The following LRRC7 variants were observed in gnomAD, a reference collection of about 807,000 sequenced individuals.
LRRC7 encodes leucine-rich repeat-containing protein 7.
In LRRC7, 23 loss-of-function variants were observed where a neutral mutation model predicts 175.7. That is an observed-to-expected ratio of 0.13 (90% CI 0.09 to 0.19). The LOEUF is 0.19. LRRC7 is among the 10% of genes least tolerant of loss of function. The pLI is 1.00. For synonymous variants in LRRC7, 685 were observed against 680.9 expected (o/e 1.01, Z -0.09); for missense variants, 1,354 against 1,904.7 (o/e 0.71, Z 5.38).
In LRRC7 at chr1:70,132,339, AT is replaced by A. The variant is rs1666698470; in HGVS notation, c.*10457del. On this transcript the variant is annotated 3_prime_UTR_variant, in exon 27 of 27. Transcript: ENST00000651989. The stretch of plus-strand genomic sequence containing the variant: ...TAATTGCTATTCATTTCTAGAAACT[AT>A]TTTTGTCTAACGTCATAGGTAATGC... 6.6e-6 allele frequency: 1 copy of A among 151,966 alleles called. No individual in the cohort carries two copies. The highest frequency in any genetic ancestry group is 6.6e-5 in the Admixed American group (1 of 15,258). 9.4% of individuals were successfully genotyped at this position (151,966 alleles called of 1,614,324 possible). A position where few individuals can be genotyped will look rare whatever the true frequency, so the allele number is the denominator to read the frequency against.
intron 2 of LRRC7, among the ~76,000 whole-genome samples, chr1:69,710,646 TA>T (rs1274331867): frequency 4.7e-4 from 72 of 152,302 alleles, no homozygotes; most frequent in African/African-American, 1.7e-3. Flanking sequence ...GTAAAGTGGA[TA>T]AAATGCTTGG....
At chr1:70,036,299 A>C in intron 19 of LRRC7, 67 bp downstream of exon 19, 1 of 1,432,454 alleles carries the variant, frequency 7.0e-7, no homozygotes. Flanking sequence ...CGCCAGTTGT[A>C]AATTATGATA....
At chr1:69,801,627 T>C (rs927902337) in intron 4 of LRRC7, among the ~76,000 whole-genome samples, 1 of 151,762 alleles carries the variant, frequency 6.6e-6, no homozygotes, top group Non-Finnish European at 1.5e-5. Flanking sequence ...TTAGTCTAGC[T>C]CGTAGTCTAT....
chr1:69,694,629 A>G (rs182406456), intron 2 of LRRC7, among the ~76,000 whole-genome samples: 1 of 152,254 alleles, frequency 6.6e-6, no homozygotes, highest in Non-Finnish European at 1.5e-5. Context: ...TGTTTGATTC[A>G]TGAGGGTAGC....
At chr1:70,044,458 G>A (rs151148800) in intron 22 of LRRC7, among the ~76,000 whole-genome samples, 193 of 151,800 alleles carry the variant, frequency 1.3e-3, no homozygotes, top group African/African-American at 4.0e-3. Flanking sequence ...TAGTCCTATC[G>A]TCCTGGTGAT....
At chr1:69,576,771 C>T (rs987833386) in intron 1 of LRRC7, among the ~76,000 whole-genome samples, 5 of 152,056 alleles carry the variant, frequency 3.3e-5, no homozygotes, top group Non-Finnish European at 5.9e-5. Context: ...TTCAGAGGCT[C>T]GTGGGTGTGA....
At chr1:70,014,285 A>T (rs551615620) in intron 13 of LRRC7, 1 of 152,126 alleles carries the variant, frequency 6.6e-6, no homozygotes, top group Non-Finnish European at 1.5e-5. Flanking sequence ...TCGTATGCAA[A>T]ATATACTTAG....
chr1:69,802,323 T>A (rs777076903), intron 4 of LRRC7, among the ~76,000 whole-genome samples: 7 of 151,458 alleles, frequency 4.6e-5, no homozygotes, highest in African/African-American at 9.7e-5. Context: ...GGTGTTGAAG[T>A]CCCCCACTAT....
intron 7 of LRRC7, among the ~76,000 whole-genome samples, chr1:69,910,917 C>G (rs918743622): frequency 5.9e-5 from 9 of 152,228 alleles, no homozygotes; most frequent in Non-Finnish European, 1.3e-4. Flanking sequence ...GCCCCTTCCC[C>G]AGCCTCGCTG....
intron 1 of LRRC7, among the ~76,000 whole-genome samples, chr1:69,606,382 GTCAAGGATTTACTTTGCTCAAA>G (rs1647574571): frequency 6.6e-6 from 1 of 151,972 alleles, no homozygotes; most frequent in African/African-American, 2.4e-5. Flanking sequence ...TCCTCTAAAT[GTCAAGGATTTACTTTGCTCAAA>G]TATCATAATA....
At chr1:69,590,390 T>G (rs1646584009) in intron 1 of LRRC7, among the ~76,000 whole-genome samples, 1 of 152,200 alleles carries the variant, frequency 6.6e-6, no homozygotes, top group African/African-American at 2.4e-5. Flanking sequence ...TTAATCTTAC[T>G]TTCATGGTGT....
chr1:70,135,055 T>A lies in LRRC7; in HGVS notation c.*13168T>A, dbSNP rs1558096331. Among the ~76,000 whole-genome samples the A allele has an allele frequency of 6.6e-6, 1 of 152,232 alleles. No individual in the cohort carries two copies. Among genetic ancestry groups the A allele is most frequent in the Non-Finnish European group, 1.5e-5 (1 of 68,040 alleles). Reference sequence around the variant, plus strand: ...TTACATAGAATTTTACTGAAGAGTATAAGAGAAAACGTCTTGAAAGTTTGT... The same window carrying A: ...TTACATAGAATTTTACTGAAGAGTAAAAGAGAAAACGTCTTGAAAGTTTGT... On this transcript the variant is annotated 3_prime_UTR_variant, in exon 27 of 27. Transcript: ENST00000651989.
chr1:69,893,563 G>A (rs1479503962), intron 7 of LRRC7, among the ~76,000 whole-genome samples: 1 of 151,936 alleles, frequency 6.6e-6, no homozygotes, highest in Admixed American at 6.6e-5. Context: ...TTTATTATAA[G>A]TAGAAACTTT....
At chr1:69,996,988 G>A (rs987938722) in intron 11 of LRRC7, among the ~76,000 whole-genome samples, 13 of 152,142 alleles carry the variant, frequency 8.5e-5, no homozygotes, top group South Asian at 2.1e-4. Flanking sequence ...ATTACCTTGC[G>A]CAATATGGCC....
chr1:70,059,690 C>T (rs535009287), intron 23 of LRRC7, among the ~76,000 whole-genome samples: 38 of 151,816 alleles, frequency 2.5e-4, no homozygotes, highest in Admixed American at 1.2e-3. Context: ...TAATGTAATA[C>T]ATTTCAATGC....
chr1:69,939,795 A>T (rs976997255), intron 8 of LRRC7, among the ~76,000 whole-genome samples: 1 of 152,158 alleles, frequency 6.6e-6, no homozygotes, highest in Non-Finnish European at 1.5e-5. Flanking sequence ...TTTTAAAAGC[A>T]AACAGATCGA....
chr1:70,047,613 AG>A (rs1291712093), intron 22 of LRRC7, among the ~76,000 whole-genome samples: 1 of 152,142 alleles, frequency 6.6e-6, no homozygotes, highest in African/African-American at 2.4e-5. Context: ...ATGAACAAAA[AG>A]GGAGCACTCT....
chr1:69,890,846 C>A (rs1645812588), intron 7 of LRRC7, among the ~76,000 whole-genome samples: 1 of 152,200 alleles, frequency 6.6e-6, no homozygotes, highest in African/African-American at 2.4e-5. Context: ...CTTCACAAAC[C>A]AACCTCTGCT....
At chr1:69,716,145 C>A in intron 2 of LRRC7, 1 of 425,464 alleles carries the variant, frequency 2.4e-6, no homozygotes, top group Non-Finnish European at 4.3e-6. Context: ...TTTAAAGGAG[C>A]CCGCTACATG....
Sources: allele counts gnomAD v4.1 joint callset (sites outside exome capture counted in the v4.1 genomes callset), GRCh38; gene constraint gnomAD v4.1.1; transcripts MANE v1.5; gene names NCBI Gene and HGNC (gene_info 2026-07-23, HGNC 2026-07-21).